Variants in TMEM221 observed in about 807,000 individuals in gnomAD.
TMEM221 encodes Putative transmembrane protein ENSP00000342162.
Under a neutral mutation model 10.2 loss-of-function variants are expected in TMEM221, and 11 were observed. The ratio of observed to expected loss-of-function variants is 1.08; its 90% CI spans 0.68 to 1.79. The LOEUF is 1.79. Among genes scored for constraint, TMEM221 ranks in the 40% most tolerant of loss-of-function variants. TMEM221 has a pLI of 0.00. For missense variants in TMEM221, 382 were observed against 417.7 expected (o/e 0.91, Z 0.75); for synonymous variants, 172 against 199.8 (o/e 0.86, Z 1.18).
At chr19:17,444,514 C>T (rs1355328984) in intron 2 of TMEM221, among the ~76,000 whole-genome samples, 2 of 108,204 alleles carry the variant, frequency 1.8e-5, no homozygotes, top group African/African-American at 3.5e-5. Flanking sequence ...ATGCCATCCA[C>T]GGGCTTTTTT....
intron 1 of TMEM221, among the ~76,000 whole-genome samples, chr19:17,447,198 G>A (rs568640410): frequency 6.6e-6 from 1 of 151,090 alleles, no homozygotes; most frequent in Admixed American, 6.6e-5. Context: ...CTCCAGCCTG[G>A]GTGACAGAGC....
At position 17,448,608 on chromosome 19, in the gene TMEM221, T is replaced by G. The variant is rs2144508247; in HGVS notation, c.-146A>C. 3.2e-5 allele frequency: 15 copies of G among 471,264 alleles called. No homozygotes were observed. Among genetic ancestry groups the G allele is most frequent in the East Asian group, 4.2e-5 (1 of 23,958 alleles). The allele number at this position is 471,264 out of a possible 1,614,324, so 29.2% of individuals were successfully genotyped here. A position where few individuals can be genotyped will look rare whatever the true frequency, so the allele number is the denominator to read the frequency against. ...GTGTCTGAAAGTTCGGGGACTGGGC[T>G]GGGGGTCGCCAGACGGACGGGGGCT... On this transcript the variant is annotated 5_prime_UTR_variant, in exon 1 of 3. Transcript: ENST00000341130. The surrounding 1 kb of genome is among the most constrained non-coding windows in gnomAD (Gnocchi z 4.7).
chr19:17,437,945 G>T (rs1396019344), intron 2 of TMEM221, among the ~76,000 whole-genome samples: 3 of 149,708 alleles, frequency 2.0e-5, no homozygotes, highest in East Asian at 2.0e-4. Context: ...TTGAGACAGG[G>T]TCTTGCTCTG....
chr19:17,447,166 G>C (rs758159519), intron 1 of TMEM221, among the ~76,000 whole-genome samples: 1 of 150,532 alleles, frequency 6.6e-6, no homozygotes, highest in Non-Finnish European at 1.5e-5. Context: ...AGGCTGCAGT[G>C]AACCGAGATA....
rs1013268149 is a variant in TMEM221, at chr19:17,436,086, C to A, written c.*372G>T. ...ACTTAGAGAATCACTGCCTAAGCCC[C>A]CCGCTCCCCTTATGCCTGTAACAGA... On this transcript the variant is annotated 3_prime_UTR_variant, in exon 3 of 3. Coordinates refer to ENST00000341130, the MANE Select transcript of TMEM221 (RefSeq NM_001190844.2). The A allele has an allele frequency of 5.6e-6, 1 of 179,146 alleles. No homozygotes were observed. The highest frequency in any genetic ancestry group is 1.2e-5 in the Non-Finnish European group (1 of 86,300). 11.1% of individuals were successfully genotyped at this position (179,146 alleles called of 1,614,324 possible).
In TMEM221 at chr19:17,448,407, G is replaced by T. The variant is rs1381276603; in HGVS notation, c.56C>A (p.Ala19Glu). Residue 19 changes from alanine to glutamate, a missense_variant, in exon 1 of 3, where the codon GCG becomes GAG. By Grantham distance (107) the Ala-to-Glu change is moderately radical (BLOSUM62 -1). Transcript: ENST00000341130. This position sits in a 1 kb window ranked among gnomAD's most constrained non-coding sequence, Gnocchi z 4.7. ...GCCCAGCGCCGCCAGCACGGCCGCC[G>T]CGATGCCCAGCAGGGTCATTGCAGC... ...VLAAMTLLGI[A>E]AAVLAALGAQ... 22 of 1,465,332 alleles carry T rather than the reference G, an allele frequency of 1.5e-5. No individual in the cohort carries two copies. Among genetic ancestry groups the T allele is most frequent in the Non-Finnish European group, 2.0e-5 (22 of 1,114,358 alleles). The allele number at this position is 1,465,332 out of a possible 1,614,324, so 90.8% of individuals were successfully genotyped here.
rs1216542523 is a variant in TMEM221, at chr19:17,436,797, G to A, written c.537C>T (p.Ala179=). 1.1e-5 allele frequency: 17 copies of A among 1,510,206 alleles called. No individual in the cohort carries two copies. The highest frequency in any genetic ancestry group is 1.3e-5 in the Non-Finnish European group (15 of 1,131,462). The allele number at this position is 1,510,206 out of a possible 1,614,324, so 93.6% of individuals were successfully genotyped here. ...GGGACAACTCATGGAGCCCACGGCG[G>A]GCAGCCCGGGCAGCCCGGAGGAGAG... is the stretch of plus-strand genomic sequence containing the variant. The part of the protein sequence containing the change: ...THTLLRAARA[A]RRGLHELSPP... The change falls in exon 3 of 3, where the codon GCC becomes GCT. Residue 179 remains alanine (A), a synonymous_variant. Coordinates refer to ENST00000341130, the MANE Select transcript of TMEM221 (RefSeq NM_001190844.2).
chr19:17,438,746 C>T (rs2074919833), intron 2 of TMEM221, among the ~76,000 whole-genome samples: 1 of 151,686 alleles, frequency 6.6e-6, no homozygotes, highest in Admixed American at 6.6e-5. Context: ...TATAGGCATG[C>T]ACCACCATGC....
rs964469590 is a variant in TMEM221, at chr19:17,438,023, G to A, written c.407-1096C>T. The stretch of plus-strand genomic sequence containing the variant: ...TGCCTCAACCTCCCCAGGCTCAGGT[G>A]ATTCTCCCACCTCAGCCTCCTGAGT... On this transcript the variant is annotated intron_variant, in intron 2 of 2. Coordinates refer to ENST00000341130, the MANE Select transcript of TMEM221 (RefSeq NM_001190844.2). Among the ~76,000 whole-genome samples the A allele has an allele frequency of 7.3e-5, 11 of 151,186 alleles. 1 individual carries two copies. In the South Asian group the frequency reaches 1.7e-3, roughly 23 times the overall value.
At chr19:17,441,356 A>C (rs951302439) in intron 2 of TMEM221, among the ~76,000 whole-genome samples, 2 of 152,042 alleles carry the variant, frequency 1.3e-5, no homozygotes, top group African/African-American at 4.8e-5. Context: ...TGTCAGTAGC[A>C]TCCCACCCTC....
chr19:17,448,277 G>A lies in TMEM221; in HGVS notation c.186C>T (p.Asp62=). The change falls in exon 1 of 3, where the codon GAC becomes GAT. Residue 62 remains aspartate, a synonymous_variant. Transcript: ENST00000341130. This position sits in a 1 kb window ranked among gnomAD's most constrained non-coding sequence, Gnocchi z 4.7. ...CCAGCGGCAGCAGCGTCCCGGCCGC[G>A]TCCTCTGGCAGCCCGGGGCCGGCGC... ...ELGAGPGLPE[D]AAGTLLPLAA... 1 of 1,229,838 alleles carries A rather than the reference G, an allele frequency of 8.1e-7. No homozygotes were observed. The highest frequency in any genetic ancestry group is 1.6e-5 in the African/African-American group (1 of 63,262). 76.2% of individuals were successfully genotyped at this position (1,229,838 alleles called of 1,614,324 possible).
At position 17,448,074 on chromosome 19, in the gene TMEM221, G is replaced by A. The variant is rs866949933; in HGVS notation, c.320+69C>T. ...CCCCCCAGCCTGAGGCCAAAAGAGGGGAAGAGGCTCAACCAGGCTCACCCA... is the reference window on the plus strand; with the variant it reads ...CCCCCCAGCCTGAGGCCAAAAGAGGAGAAGAGGCTCAACCAGGCTCACCCA... On this transcript the variant is annotated intron_variant, in intron 1 of 2. Coordinates refer to ENST00000341130, the MANE Select transcript of TMEM221 (RefSeq NM_001190844.2). The surrounding 1 kb of genome is among the most constrained non-coding windows in gnomAD (Gnocchi z 4.7). The A allele has an allele frequency of 1.6e-6, 2 of 1,233,004 alleles. No homozygotes were observed. The highest frequency in any genetic ancestry group is 6.0e-4 in the Middle Eastern group (2 of 3,316). 76.4% of individuals were successfully genotyped at this position (1,233,004 alleles called of 1,614,324 possible). A position where few individuals can be genotyped will look rare whatever the true frequency, so the allele number is the denominator to read the frequency against.
At chr19:17,445,842 T>G (rs142218982) in intron 1 of TMEM221, among the ~76,000 whole-genome samples, 2 of 151,356 alleles carry the variant, frequency 1.3e-5, no homozygotes, top group Non-Finnish European at 2.9e-5. Context: ...ATCCATCCAC[T>G]TATCAATTCA....
intron 2 of TMEM221, among the ~76,000 whole-genome samples, chr19:17,439,965 G>C (rs2074925046): frequency 6.6e-6 from 1 of 152,116 alleles, no homozygotes; most frequent in Admixed American, 6.6e-5. Flanking sequence ...CGAGGTGAGA[G>C]GTTGCTTGAG....
At chr19:17,440,382 A>T (rs1049371461) in intron 2 of TMEM221, among the ~76,000 whole-genome samples, 2 of 151,684 alleles carry the variant, frequency 1.3e-5, no homozygotes, top group African/African-American at 4.8e-5. Flanking sequence ...GCCCGCCACC[A>T]CACCCGGCTA....
At position 17,448,271 on chromosome 19, in the gene TMEM221, G is replaced by C; in HGVS notation, c.192C>G (p.Ala64=). Residue 64 remains alanine, a synonymous_variant, in exon 1 of 3, where the codon GCC becomes GCG. Coordinates refer to ENST00000341130, the MANE Select transcript of TMEM221 (RefSeq NM_001190844.2). This position sits in a 1 kb window ranked among gnomAD's most constrained non-coding sequence, Gnocchi z 4.7. ...GAGPGLPEDA[A]GTLLPLAAAL... ...CGGCGGCCAGCGGCAGCAGCGTCCC[G>C]GCCGCGTCCTCTGGCAGCCCGGGGC... 1 of 1,236,628 alleles carries C rather than the reference G, an allele frequency of 8.1e-7. No homozygotes were observed. Among genetic ancestry groups the C allele is most frequent in the Non-Finnish European group, 1.0e-6 (1 of 990,314 alleles). The allele number at this position is 1,236,628 out of a possible 1,614,324, so 76.6% of individuals were successfully genotyped here. A position where few individuals can be genotyped will look rare whatever the true frequency, so the allele number is the denominator to read the frequency against.
chr19:17,448,124 G>C lies in TMEM221; in HGVS notation c.320+19C>G. 2.2e-6 allele frequency: 3 copies of C among 1,349,498 alleles called. No homozygotes were observed. Among genetic ancestry groups the C allele is most frequent in the Non-Finnish European group, 2.8e-6 (3 of 1,054,096 alleles). The allele number at this position is 1,349,498 out of a possible 1,614,324, so 83.6% of individuals were successfully genotyped here. ...AGCCCCCAGCCGGGCCTCCGAGGCGGTGAGGCCAGTCCTCCTACCTCCTGG... is the reference window on the plus strand; with the variant it reads ...AGCCCCCAGCCGGGCCTCCGAGGCGCTGAGGCCAGTCCTCCTACCTCCTGG... On this transcript the variant is annotated intron_variant, in intron 1 of 2. Transcript: ENST00000341130. The surrounding 1 kb of genome is among the most constrained non-coding windows in gnomAD (Gnocchi z 4.7).
chr19:17,445,620 A>C (rs1282644370), intron 1 of TMEM221, among the ~76,000 whole-genome samples: 1 of 151,894 alleles, frequency 6.6e-6, no homozygotes, highest in Non-Finnish European at 1.5e-5. Flanking sequence ...CCACCCATCC[A>C]TCCATATGCC....
At chr19:17,438,889 C>T (rs369302655) in intron 2 of TMEM221, among the ~76,000 whole-genome samples, 336 of 970 alleles carry the variant, frequency 0.35, 3 homozygotes, top group African/African-American at 0.45. Context: ...TTAGCCACTG[C>T]GCCCGACACC....
Sources: allele counts gnomAD v4.1 joint callset (sites outside exome capture counted in the v4.1 genomes callset), GRCh38; gene constraint gnomAD v4.1.1; non-coding constraint Gnocchi (gnomAD v3.1); transcripts MANE v1.5; gene names NCBI Gene and HGNC (gene_info 2026-07-23, HGNC 2026-07-21).